KCNH1: variants seen among roughly 807,000 people sequenced by gnomAD.
KCNH1 encodes the protein voltage-gated delayed rectifier potassium channel KCNH1.
KCNH1 carries 27 observed loss-of-function variants against 69.2 expected under a neutral mutation model. The observed-to-expected ratio is 0.39, with a 90% CI of 0.29 to 0.54. The LOEUF is 0.54. Ranked by LOEUF, KCNH1 falls within the 20% of genes least tolerant of loss-of-function variation. The pLI is 0.68. For missense variants in KCNH1, 798 were observed against 1,261.6 expected, an observed-to-expected ratio of 0.63 and a Z score of 5.57; for synonymous variants, 456 against 487.7, an observed-to-expected ratio of 0.93 and a Z score of 0.86.
At chr1:210,960,591 A>G (rs1688273990) in intron 6 of KCNH1, among the ~76,000 whole-genome samples, 1 of 152,236 alleles carries the variant, frequency 6.6e-6, no homozygotes, top group African/African-American at 2.4e-5. Flanking sequence ...GCATATGTCA[A>G]CAGTTCATTC....
At chr1:210,935,257 T>A (rs554387055) in intron 6 of KCNH1, among the ~76,000 whole-genome samples, 3 of 151,042 alleles carry the variant, frequency 2.0e-5, no homozygotes, top group Admixed American at 6.6e-5. Context: ...TTAAATGAAA[T>A]GAACCAGGCA....
intron 10 of KCNH1, among the ~76,000 whole-genome samples, chr1:210,745,175 G>C (rs1466461586): frequency 1.8e-5 from 1 of 54,644 alleles, no homozygotes; most frequent in Non-Finnish European, 4.2e-5. Context: ...CTGCACTCCA[G>C]CCTGGGTAAC....
intron 1 of KCNH1, among the ~76,000 whole-genome samples, chr1:211,118,443 C>G (rs948584318): frequency 6.6e-6 from 1 of 152,136 alleles, no homozygotes; most frequent in African/African-American, 2.4e-5. Context: ...CCCTGCGTCC[C>G]AAGTCTTTGA....
At chr1:211,110,814 A>G (rs1691447449) in intron 1 of KCNH1, among the ~76,000 whole-genome samples, 1 of 152,214 alleles carries the variant, frequency 6.6e-6, no homozygotes, top group South Asian at 2.1e-4. Context: ...AGATTAAGTG[A>G]GCTAAAACCT....
chr1:211,064,923 A>G (rs1410986388), intron 5 of KCNH1, among the ~76,000 whole-genome samples: 1 of 152,244 alleles, frequency 6.6e-6, no homozygotes, highest in Non-Finnish European at 1.5e-5. Context: ...ATGCAAATTT[A>G]AATCACGATG....
chr1:210,859,971 C>T (rs1685940506), intron 7 of KCNH1: 3 of 1,591,580 alleles, frequency 1.9e-6, no homozygotes, highest in East Asian at 2.2e-5. Flanking sequence ...CTTAACCTCT[C>T]TTGGCAGTCT....
Position 210,920,119 on chromosome 1 carries a change from T to C in KCNH1, c.1033-50A>G, listed in dbSNP as rs1396662962. ...AGGGCCAAAGAACCAAAGATACTAC[T>C]CTCGTCCCCTCCGCCCCACTTGGGC... On this transcript the variant is annotated intron_variant, in intron 6 of 10. Transcript: ENST00000271751. 4.6e-6 allele frequency: 7 copies of C among 1,526,794 alleles called. No individual in the cohort carries two copies. In the South Asian group the frequency reaches 6.9e-5, roughly 15 times the overall value. The allele number at this position is 1,526,794 out of a possible 1,614,324, so 94.6% of individuals were successfully genotyped here. A position where few individuals can be genotyped will look rare whatever the true frequency, so the allele number is the denominator to read the frequency against.
chr1:210,982,875 C>A (rs1468251128), intron 6 of KCNH1, among the ~76,000 whole-genome samples: 2 of 152,342 alleles, frequency 1.3e-5, no homozygotes, highest in East Asian at 1.9e-4. Flanking sequence ...AACTAGCTTA[C>A]AGTCCCACCA....
At chr1:210,879,180 T>C (rs985901287) in intron 7 of KCNH1, among the ~76,000 whole-genome samples, 1 of 152,088 alleles carries the variant, frequency 6.6e-6, no homozygotes, top group African/African-American at 2.4e-5. Flanking sequence ...CAGTGAACTC[T>C]ATCAAACATT....
intron 5 of KCNH1, among the ~76,000 whole-genome samples, chr1:211,019,830 C>G (rs1167716454): frequency 2.6e-5 from 4 of 152,044 alleles, no homozygotes; most frequent in South Asian, 4.1e-4. Context: ...TGGAAGTACA[C>G]TAGAAATCAA....
intron 6 of KCNH1, among the ~76,000 whole-genome samples, chr1:210,994,678 G>A (rs749932814): frequency 2.0e-5 from 3 of 152,158 alleles, no homozygotes; most frequent in Non-Finnish European, 2.9e-5. Flanking sequence ...AATTATGTAG[G>A]CCAGGGGTCA....
intron 7 of KCNH1, among the ~76,000 whole-genome samples, chr1:210,827,673 T>C (rs905025473): frequency 5.3e-5 from 8 of 152,132 alleles, no homozygotes; most frequent in African/African-American, 1.9e-4. Context: ...TATTACATCA[T>C]CTCCTTATGT....
At chr1:210,795,960 AAAACAC>A (rs1204339649) in intron 9 of KCNH1, among the ~76,000 whole-genome samples, 58 of 68,440 alleles carry the variant, frequency 8.5e-4, no homozygotes, top group Non-Finnish European at 3.2e-4. Context: ...ATCTCTACTA[AAAACAC>A]ACACACACAC....
chr1:210,733,314 G>A (rs1203948695), intron 10 of KCNH1, among the ~76,000 whole-genome samples: 1 of 152,164 alleles, frequency 6.6e-6, no homozygotes, highest in African/African-American at 2.4e-5. Flanking sequence ...AGAAATTTGG[G>A]TAATGGTTGG....
At chr1:210,962,130 T>C (rs1174511242) in intron 6 of KCNH1, among the ~76,000 whole-genome samples, 1 of 152,216 alleles carries the variant, frequency 6.6e-6, no homozygotes, top group Non-Finnish European at 1.5e-5. Flanking sequence ...TGCTACACTT[T>C]GGCCTACCTA....
At chr1:211,059,263 G>A (rs953989492) in intron 5 of KCNH1, among the ~76,000 whole-genome samples, 9 of 149,698 alleles carry the variant, frequency 6.0e-5, no homozygotes, top group Non-Finnish European at 1.0e-4. Flanking sequence ...CTGGGCAACA[G>A]AGCGAGACTC....
chr1:210,762,855 C>T (rs1683549597), intron 10 of KCNH1, among the ~76,000 whole-genome samples: 1 of 151,974 alleles, frequency 6.6e-6, no homozygotes, highest in African/African-American at 2.4e-5. Context: ...AGGAGGGACT[C>T]CTCCTTAACT....
At chr1:210,924,599 T>G (rs1264258231) in intron 6 of KCNH1, among the ~76,000 whole-genome samples, 1 of 152,218 alleles carries the variant, frequency 6.6e-6, no homozygotes, top group Admixed American at 6.5e-5. Context: ...ACTCCAAACA[T>G]TTTTATTTTA....
chr1:210,732,237 C>G (rs1480654361), intron 10 of KCNH1, among the ~76,000 whole-genome samples: 1 of 151,748 alleles, frequency 6.6e-6, no homozygotes, highest in East Asian at 2.0e-4. Context: ...CCCAGTGTGG[C>G]TCCTCTGGGG....
Sources: gnomAD v4.1 joint callset for allele counts (sites outside exome capture counted in the v4.1 genomes callset) on GRCh38, gnomAD v4.1.1 for gene constraint, MANE v1.5 for transcripts, NCBI Gene and HGNC (gene_info 2026-07-23, HGNC 2026-07-21) for gene names.